SLC25A21: variants seen among roughly 807,000 people sequenced by gnomAD.
The protein encoded by SLC25A21 is mitochondrial 2-oxodicarboxylate carrier.
In SLC25A21, 47 loss-of-function variants were observed where a neutral mutation model predicts 43.8. That is an observed-to-expected ratio of 1.07 (90% CI 0.85 to 1.37). SLC25A21 has a LOEUF of 1.37. Among genes scored for constraint, SLC25A21 ranks in the 40% most tolerant of loss-of-function variants. The probability of loss-of-function intolerance (pLI) is 0.00; values close to 1 mark genes in which losing one functional copy is unlikely to be tolerated. For missense variants in SLC25A21, 352 were observed against 350.2 expected (o/e 1.00, Z -0.04); for synonymous variants, 131 against 121.3 (o/e 1.08, Z -0.52).
intron 1 of SLC25A21, among the ~76,000 whole-genome samples, chr14:37,029,345 G>A (rs1416248852): frequency 2.0e-5 from 3 of 152,128 alleles, no homozygotes. Flanking sequence ...AAAGAGGAAT[G>A]GTCCTACCCC....
intron 1 of SLC25A21, among the ~76,000 whole-genome samples, chr14:37,139,234 A>T (rs1672598035): frequency 6.6e-6 from 1 of 152,128 alleles, no homozygotes; most frequent in African/African-American, 2.4e-5. Flanking sequence ...TGGGGATTTA[A>T]ATCAAAAGTC....
At chr14:37,018,176 C>G (rs970517202) in intron 1 of SLC25A21, among the ~76,000 whole-genome samples, 1 of 151,890 alleles carries the variant, frequency 6.6e-6, no homozygotes, top group Non-Finnish European at 1.5e-5. Flanking sequence ...ATAGTATAAT[C>G]TTTTCTTTAC....
chr14:36,700,345 T>A (rs1883224912), intron 7 of SLC25A21, among the ~76,000 whole-genome samples: 1 of 152,248 alleles, frequency 6.6e-6, no homozygotes, highest in Non-Finnish European at 1.5e-5. Flanking sequence ...GATCCTAGTG[T>A]ACTCTGCATT....
At chr14:36,916,323 T>C (rs1159662486) in intron 1 of SLC25A21, among the ~76,000 whole-genome samples, 1 of 152,200 alleles carries the variant, frequency 6.6e-6, no homozygotes, top group Non-Finnish European at 1.5e-5. Context: ...GGGCTGTTTA[T>C]CCTTTGTCTT....
At chr14:36,833,608 G>A (rs543387251) in intron 2 of SLC25A21, among the ~76,000 whole-genome samples, 1 of 152,268 alleles carries the variant, frequency 6.6e-6, no homozygotes, top group South Asian at 2.1e-4. Flanking sequence ...AAGGGCACTG[G>A]CTTCTACTGA....
intron 1 of SLC25A21, among the ~76,000 whole-genome samples, chr14:37,015,869 G>A (rs959351325): frequency 7.2e-5 from 11 of 152,052 alleles, no homozygotes; most frequent in African/African-American, 1.9e-4. Context: ...CATCTCCTTC[G>A]CCCACTTGTT....
chr14:36,905,207 G>C (rs2138603786), intron 1 of SLC25A21, among the ~76,000 whole-genome samples: 1 of 152,276 alleles, frequency 6.6e-6, no homozygotes, highest in Middle Eastern at 3.4e-3. Context: ...CATGAACTAT[G>C]GTAAATGCTT....
intron 2 of SLC25A21, among the ~76,000 whole-genome samples, chr14:36,823,784 C>A (rs941154042): frequency 6.6e-6 from 1 of 152,210 alleles, no homozygotes; most frequent in Admixed American, 6.5e-5. Context: ...TCTTCTCTCT[C>A]CGATCCTCCC....
intron 1 of SLC25A21, among the ~76,000 whole-genome samples, chr14:37,037,017 A>G (rs1961341409): frequency 6.6e-6 from 1 of 152,204 alleles, no homozygotes; most frequent in Non-Finnish European, 1.5e-5. Flanking sequence ...CTCTTCATAA[A>G]TGAACATCAA....
intron 1 of SLC25A21, among the ~76,000 whole-genome samples, chr14:36,971,618 C>G (rs2138686806): frequency 6.6e-6 from 1 of 152,160 alleles, no homozygotes; most frequent in African/African-American, 2.4e-5. Context: ...GCACCTCTCT[C>G]TCAAAAAGGA....
At position 36,894,274 on chromosome 14, in the gene SLC25A21, T is replaced by C. The variant is rs894345546; in HGVS notation, c.71-19270A>G. ...CTTCACATCCCTTGTAAGTTGGATTTCTAGGTATTTTATTCTCTTTGAAGC... is the reference window on the plus strand; with the variant it reads ...CTTCACATCCCTTGTAAGTTGGATTCCTAGGTATTTTATTCTCTTTGAAGC... On this transcript the variant is annotated intron_variant, in intron 1 of 9. Transcript: ENST00000331299. Among the ~76,000 whole-genome samples, 5 of 152,154 alleles carry C rather than the reference T, an allele frequency of 3.3e-5. No homozygotes were observed. In the South Asian group the frequency reaches 6.2e-4, roughly 19 times the overall value.
At chr14:36,922,339 T>C (rs549317263) in intron 1 of SLC25A21, among the ~76,000 whole-genome samples, 1 of 152,182 alleles carries the variant, frequency 6.6e-6, no homozygotes, top group African/African-American at 2.4e-5. Flanking sequence ...TGATCGTTCC[T>C]GCATTCCAAT....
intron 1 of SLC25A21, among the ~76,000 whole-genome samples, chr14:37,094,675 C>G (rs1017477427): frequency 6.6e-6 from 1 of 151,536 alleles, no homozygotes; most frequent in East Asian, 1.9e-4. Context: ...GATACACACA[C>G]GTGACTCTAG....
intron 1 of SLC25A21, among the ~76,000 whole-genome samples, chr14:36,900,744 T>C (rs1301504561): frequency 6.6e-6 from 1 of 152,192 alleles, no homozygotes; most frequent in East Asian, 1.9e-4. Context: ...CACCTAAACT[T>C]GTCATTTATA....
At chr14:36,696,073 A>G (rs1425852764) in intron 7 of SLC25A21, among the ~76,000 whole-genome samples, 1 of 152,168 alleles carries the variant, frequency 6.6e-6, no homozygotes, top group Non-Finnish European at 1.5e-5. Context: ...TTATTTTGAG[A>G]TACATTCCAT....
At chr14:36,708,524 C>T (rs1883676769) in intron 7 of SLC25A21, among the ~76,000 whole-genome samples, 1 of 152,058 alleles carries the variant, frequency 6.6e-6, no homozygotes, top group African/African-American at 2.4e-5. Context: ...TGCAGTCTTG[C>T]CCTTCCAGGC....
At chr14:37,132,890 C>T (rs531953890) in intron 1 of SLC25A21, among the ~76,000 whole-genome samples, 1 of 152,062 alleles carries the variant, frequency 6.6e-6, no homozygotes, top group East Asian at 1.9e-4. Context: ...ACCACCATAC[C>T]AAGCTAATTT....
intron 1 of SLC25A21, among the ~76,000 whole-genome samples, chr14:36,885,095 G>C (rs1005916528): frequency 6.6e-6 from 1 of 152,120 alleles, no homozygotes; most frequent in Non-Finnish European, 1.5e-5. Context: ...TACAGTTTCA[G>C]CTCTTACGTT....
At chr14:37,096,308 CT>C (rs375040145) in intron 1 of SLC25A21, among the ~76,000 whole-genome samples, 173 of 152,250 alleles carry the variant, frequency 1.1e-3, no homozygotes, top group African/African-American at 3.7e-3. Flanking sequence ...TGTCCTTGAT[CT>C]TTGAGATTTT....
Sources: allele counts gnomAD v4.1 joint callset (sites outside exome capture counted in the v4.1 genomes callset), GRCh38; gene constraint gnomAD v4.1.1; transcripts MANE v1.5; gene names NCBI Gene and HGNC (gene_info 2026-07-23, HGNC 2026-07-21).